Variants in SKAP1 observed in about 807,000 individuals in gnomAD.
SKAP1 encodes src kinase-associated phosphoprotein 1.
Under a neutral mutation model 58.5 loss-of-function variants are expected in SKAP1, and 44 were observed. The observed-to-expected ratio is 0.75, with a 90% CI of 0.59 to 0.97. The LOEUF is 0.97. Among genes scored for constraint, SKAP1 ranks in the 50% least tolerant of loss-of-function variants. The pLI is 0.00. For missense variants in SKAP1, 390 were observed against 435.2 expected (o/e 0.90, Z 0.92); for synonymous variants, 127 against 149.7 (o/e 0.85, Z 1.11).
Position 48,184,638 on chromosome 17 carries a change from C to T in SKAP1, c.567+85G>A, listed in dbSNP as rs866827384. The T allele has an allele frequency of 2.3e-5, 35 of 1,544,428 alleles. 2 individuals are homozygous for T. The Middle Eastern group carries it at 3.7e-3, about 164-fold the overall frequency. Reference sequence around the variant, plus strand: ...AGCAGGTAACAAAGAAAGGCTGGAACCCAGCATAGCAACCATGGCTCACAT... The same window carrying T: ...AGCAGGTAACAAAGAAAGGCTGGAATCCAGCATAGCAACCATGGCTCACAT... On this transcript the variant is annotated intron_variant, in intron 7 of 12. Coordinates refer to ENST00000336915, the MANE Select transcript of SKAP1 (RefSeq NM_003726.4).
chr17:48,230,836 G>T (rs937947977), intron 4 of SKAP1, among the ~76,000 whole-genome samples: 3 of 152,160 alleles, frequency 2.0e-5, no homozygotes, highest in African/African-American at 7.2e-5. Flanking sequence ...GACATGTAAT[G>T]AAATGGAATA....
At chr17:48,246,977 A>C (rs2065303523) in intron 4 of SKAP1, among the ~76,000 whole-genome samples, 1 of 152,220 alleles carries the variant, frequency 6.6e-6, no homozygotes, top group Non-Finnish European at 1.5e-5. Flanking sequence ...GAAATTAAAC[A>C]ACCTTTCCCA....
At chr17:48,167,648 T>A (rs561615247) in intron 10 of SKAP1, among the ~76,000 whole-genome samples, 1 of 152,272 alleles carries the variant, frequency 6.6e-6, no homozygotes, top group Non-Finnish European at 1.5e-5. Flanking sequence ...GGCTTAGTTT[T>A]TCCACAATTT....
intron 4 of SKAP1, among the ~76,000 whole-genome samples, chr17:48,293,868 A>G (rs2065929316): frequency 6.6e-6 from 1 of 152,174 alleles, no homozygotes; most frequent in Admixed American, 6.5e-5. Context: ...GCTCTCTATG[A>G]TTGTTCCTTT....
intron 11 of SKAP1, among the ~76,000 whole-genome samples, chr17:48,146,332 A>T (rs2063832261): frequency 6.6e-6 from 1 of 151,880 alleles, no homozygotes; most frequent in Non-Finnish European, 1.5e-5. Context: ...CTCTACTAAA[A>T]ATACAAAAAA....
chr17:48,432,144 T>C (rs559176598), upstream of SKAP1, among the ~76,000 whole-genome samples: 5 of 152,240 alleles, frequency 3.3e-5, no homozygotes, highest in East Asian at 9.7e-4. Flanking sequence ...AGTATAGTAA[T>C]GGGTGGCTGG....
intron 4 of SKAP1, among the ~76,000 whole-genome samples, chr17:48,205,775 A>T (rs2064802834): frequency 6.6e-6 from 1 of 152,220 alleles, no homozygotes; most frequent in Non-Finnish European, 1.5e-5. Context: ...GTTCTAAGGG[A>T]AAATGATTTC....
chr17:48,332,382 A>C (rs986496054), intron 4 of SKAP1, among the ~76,000 whole-genome samples: 1 of 152,208 alleles, frequency 6.6e-6, no homozygotes. Flanking sequence ...AAATCCAGGA[A>C]CTTGCATATA....
In SKAP1 at chr17:48,146,897, G is replaced by C. The variant is rs1276936345; in HGVS notation, c.979-9560C>G. On this transcript the variant is annotated intron_variant, in intron 11 of 12. Coordinates refer to ENST00000336915, the MANE Select transcript of SKAP1 (RefSeq NM_003726.4). ...GCCCACCTCCACCTCCCAAAGTGCT[G>C]GGATTACAGGCGTGAGCCACTGCGC... is the stretch of plus-strand genomic sequence containing the variant. Among the ~76,000 whole-genome samples, 8 of 152,290 alleles carry C rather than the reference G, an allele frequency of 5.3e-5. No individual in the cohort carries two copies. In the East Asian group the frequency reaches 1.5e-3, roughly 29 times the overall value.
intron 4 of SKAP1, among the ~76,000 whole-genome samples, chr17:48,331,607 G>C (rs1039790862): frequency 1.1e-4 from 16 of 152,112 alleles, no homozygotes; most frequent in Non-Finnish European, 1.0e-4. Context: ...GCTGAGGCAG[G>C]AGAACCGCTT....
intron 1 of SKAP1, among the ~76,000 whole-genome samples, chr17:48,429,405 TAGTTGGAAGGTGAACACACCACAATGGG>T (rs1342216174): frequency 9.2e-5 from 14 of 152,110 alleles, no homozygotes; most frequent in Admixed American, 2.0e-4. Context: ...TTAGACACTG[TAGTTGGAAGGTGAACACACCACAATGGG>T]AGTTGGAAGG....
intron 6 of SKAP1, 133 bp downstream of exon 6, chr17:48,187,710 C>T (rs1247212782): frequency 1.7e-6 from 1 of 594,886 alleles, no homozygotes; most frequent in Non-Finnish European, 2.9e-6. Context: ...TTGTCCATGC[C>T]AATTTCTTTC....
intron 9 of SKAP1, among the ~76,000 whole-genome samples, chr17:48,175,112 G>A (rs1052180522): frequency 1.3e-5 from 2 of 152,182 alleles, no homozygotes; most frequent in African/African-American, 4.8e-5. Flanking sequence ...GGGACAGAGA[G>A]GAGCCAGCAG....
intron 4 of SKAP1, among the ~76,000 whole-genome samples, chr17:48,270,023 T>C (rs558504087): frequency 6.6e-6 from 1 of 151,926 alleles, no homozygotes; most frequent in Admixed American, 6.5e-5. Context: ...GAGGCAGGAG[T>C]ATCGCTTGAA....
At chr17:48,286,502 C>T (rs966194003) in intron 4 of SKAP1, among the ~76,000 whole-genome samples, 1 of 152,104 alleles carries the variant, frequency 6.6e-6, no homozygotes, top group Admixed American at 6.5e-5. Context: ...ATAATATTGC[C>T]ATTGCAATTG....
chr17:48,394,072 C>CA (rs1555622842), intron 2 of SKAP1, among the ~76,000 whole-genome samples: 1 of 151,858 alleles, frequency 6.6e-6, no homozygotes, highest in Non-Finnish European at 1.5e-5. Context: ...CCTGTCTCTA[C>CA]AAAAAGTAAA....
chr17:48,432,106 C>T (rs2144637867), upstream of SKAP1, among the ~76,000 whole-genome samples: 1 of 152,320 alleles, frequency 6.6e-6, no homozygotes, highest in African/African-American at 2.4e-5. Context: ...TATCTGGCTC[C>T]TGCTCATCCT....
At chr17:48,219,131 C>G (rs2064973512) in intron 4 of SKAP1, among the ~76,000 whole-genome samples, 1 of 152,156 alleles carries the variant, frequency 6.6e-6, no homozygotes, top group African/African-American at 2.4e-5. Flanking sequence ...ACACAGATTT[C>G]CAATAGAGAA....
intron 4 of SKAP1, among the ~76,000 whole-genome samples, chr17:48,208,123 A>AATCTAGG (rs1378075512): frequency 6.6e-6 from 1 of 152,210 alleles, no homozygotes; most frequent in African/African-American, 2.4e-5. Context: ...TTGGGAGTGG[A>AATCTAGG]AATCGTGTTT....
Sources: gnomAD v4.1 joint callset for allele counts (sites outside exome capture counted in the v4.1 genomes callset) on GRCh38, gnomAD v4.1.1 for gene constraint, MANE v1.5 for transcripts, NCBI Gene and HGNC (gene_info 2026-07-23, HGNC 2026-07-21) for gene names.